SPACA7: variants seen among roughly 807,000 people sequenced by gnomAD.
The protein encoded by SPACA7 is sperm acrosome-associated protein 7.
In SPACA7, 19 loss-of-function variants were observed where a neutral mutation model predicts 26.3. That is an observed-to-expected ratio of 0.72 (90% CI 0.50 to 1.06). The LOEUF (loss-of-function observed/expected upper bound fraction) is 1.06, where lower values mean the gene tolerates loss of function less well. Ranked by LOEUF, SPACA7 falls within the 50% of genes least tolerant of loss-of-function variation. SPACA7 has a pLI of 0.00. For synonymous variants in SPACA7, 84 were observed against 84.5 expected, an observed-to-expected ratio of 0.99 and a Z score of 0.04; for missense variants, 211 against 229.9, an observed-to-expected ratio of 0.92 and a Z score of 0.53.
intron 5 of SPACA7, among the ~76,000 whole-genome samples, chr13:112,431,505 A>G (rs898835733): frequency 3.3e-5 from 5 of 152,204 alleles, no homozygotes; most frequent in African/African-American, 1.2e-4. Flanking sequence ...TTCCTATAAC[A>G]TTAATGTCAA....
At chr13:112,431,836 T>TGGAGGAACCTCCCAGGAG (rs1877162737) in intron 5 of SPACA7, among the ~76,000 whole-genome samples, 1 of 152,336 alleles carries the variant, frequency 6.6e-6, no homozygotes, top group East Asian at 1.9e-4. Context: ...GGCTGGTGGC[T>TGGAGGAACCTCCCAGGAG]GTTCCAAAGG....
intron 1 of SPACA7, chr13:112,382,418 G>A (rs1884134913): frequency 1.9e-6 from 3 of 1,548,460 alleles, no homozygotes; most frequent in Admixed American, 2.0e-5. Flanking sequence ...TAATCTTCAG[G>A]TGCAGGCTGT....
Position 112,380,143 on chromosome 13 carries a change from G to A in SPACA7, c.94+3664G>A, listed in dbSNP as rs549073856. 3.3e-5 allele frequency among the ~76,000 whole-genome samples: 5 copies of A among 152,220 alleles called. No individual in the cohort carries two copies. The East Asian group carries it at 9.7e-4, about 29-fold the overall frequency. On this transcript the variant is annotated intron_variant, in intron 1 of 6. Coordinates refer to ENST00000283550, the MANE Select transcript of SPACA7 (RefSeq NM_145248.5). ...ATTAAGAACAGACCAGGCCTGGCGT[G>A]GTGGCTCATGCCTGTAATCCCAGCA...
At chr13:112,415,955 G>A (rs941656654) in intron 5 of SPACA7, among the ~76,000 whole-genome samples, 4 of 151,906 alleles carry the variant, frequency 2.6e-5, no homozygotes, top group Non-Finnish European at 5.9e-5. Context: ...CCACTGTGGT[G>A]AGGCCAGCAT....
chr13:112,384,566 G>T (rs991509027), intron 1 of SPACA7, among the ~76,000 whole-genome samples: 5 of 151,996 alleles, frequency 3.3e-5, no homozygotes, highest in South Asian at 2.1e-4. Context: ...TTTATAATTT[G>T]ATTTTGGAAC....
In SPACA7 at chr13:112,434,048, C is replaced by T. The variant is rs546541476; in HGVS notation, c.524-437C>T. ...CGTCACCAGCACCTCTAGGTGTGGC[C>T]GTCGGCAACAGAAGCCCTGGAGGTG... On this transcript the variant is annotated intron_variant, in intron 6 of 6. Transcript: ENST00000283550. 7.8e-4 allele frequency among the ~76,000 whole-genome samples: 118 copies of T among 152,198 alleles called. 1 individual carries two copies. The highest frequency in any genetic ancestry group is 3.8e-4 in the Non-Finnish European group (26 of 68,002).
chr13:112,404,845 T>C (rs1333292885), intron 5 of SPACA7, among the ~76,000 whole-genome samples: 1 of 152,178 alleles, frequency 6.6e-6, no homozygotes, highest in Non-Finnish European at 1.5e-5. Context: ...TAAAGTCAGA[T>C]AATGTGATGC....
chr13:112,419,857 G>A (rs182603417), intron 5 of SPACA7, among the ~76,000 whole-genome samples: 7 of 152,330 alleles, frequency 4.6e-5, no homozygotes, highest in Non-Finnish European at 7.3e-5. Context: ...CCTGAGGGAA[G>A]GGAAGAACTG....
chr13:112,377,467 T>C (rs951107382), intron 1 of SPACA7, among the ~76,000 whole-genome samples: 1 of 152,230 alleles, frequency 6.6e-6, no homozygotes, highest in African/African-American at 2.4e-5. Context: ...ACCCTCTAGT[T>C]CAATTATTGT....
intron 1 of SPACA7, among the ~76,000 whole-genome samples, chr13:112,388,880 C>T (rs1884701859): frequency 6.6e-6 from 1 of 152,044 alleles, no homozygotes; most frequent in Admixed American, 6.6e-5. Flanking sequence ...GGAGTCAAAG[C>T]TGTCTTTTTG....
intron 5 of SPACA7, among the ~76,000 whole-genome samples, chr13:112,407,932 A>T (rs1437895402): frequency 6.6e-6 from 1 of 152,182 alleles, no homozygotes; most frequent in Admixed American, 6.6e-5. Flanking sequence ...GGAATTTTAG[A>T]CCAATATCCC....
chr13:112,398,144 G>A lies in SPACA7; in HGVS notation c.241+6G>A, dbSNP rs758432543. ...AACATTATCAACACCGTTACGTAAG[G>A]AGAAAAGCAAGCACACCCCTTTCTA... is the stretch of plus-strand genomic sequence containing the variant. On this transcript the variant is annotated splice_donor_region_variant and intron_variant, in intron 3 of 6. Transcript: ENST00000283550. The A allele has an allele frequency of 7.4e-6, 12 of 1,610,774 alleles. No individual in the cohort carries two copies. The highest frequency in any genetic ancestry group is 9.3e-6 in the Non-Finnish European group (11 of 1,177,100).
intron 1 of SPACA7, among the ~76,000 whole-genome samples, chr13:112,380,322 T>C (rs1883963924): frequency 6.7e-6 from 1 of 148,890 alleles, no homozygotes; most frequent in Non-Finnish European, 1.5e-5. Context: ...GGAGAATCAC[T>C]TGGACCCAGG....
intron 1 of SPACA7, among the ~76,000 whole-genome samples, chr13:112,379,507 C>T (rs544619141): frequency 2.6e-5 from 4 of 152,156 alleles, no homozygotes; most frequent in African/African-American, 4.8e-5. Flanking sequence ...AAGACAATAA[C>T]GGAAATTAGG....
At chr13:112,386,930 G>C (rs1211711805) in intron 1 of SPACA7, among the ~76,000 whole-genome samples, 1 of 152,124 alleles carries the variant, frequency 6.6e-6, no homozygotes, top group Non-Finnish European at 1.5e-5. Context: ...ATCTCCACAA[G>C]TTCAGAGAAA....
chr13:112,399,090 A>G lies in SPACA7; in HGVS notation c.266A>G (p.Gln89Arg). The G allele has an allele frequency of 1.2e-6, 2 of 1,609,152 alleles. No individual in the cohort carries two copies. Among genetic ancestry groups the G allele is most frequent in the South Asian group, 2.2e-5 (2 of 90,456 alleles). The change falls in exon 4 of 7, where the codon CAA (glutamine) becomes CGA (arginine). Residue 89 changes from glutamine to arginine, a missense_variant. Transcript: ENST00000283550. Reference sequence around the variant, plus strand: ...GATGCTGGTATTGATGAGAATTATCAAGCTGGTGGTTCTGAGAATTACCAT... The same window carrying G: ...GATGCTGGTATTGATGAGAATTATCGAGCTGGTGGTTCTGAGAATTACCAT... Reference protein sequence around the residue: ...PLHAGIDENYQAGGSENYHEL... With the variant: ...PLHAGIDENYRAGGSENYHEL...
intron 5 of SPACA7, among the ~76,000 whole-genome samples, chr13:112,416,476 T>C (rs1886702405): frequency 6.6e-6 from 1 of 151,930 alleles, no homozygotes; most frequent in Admixed American, 6.6e-5. Context: ...TAGTAGAGAA[T>C]GGGTTTCACC....
chr13:112,404,507 G>GT (rs1363865136), intron 5 of SPACA7, among the ~76,000 whole-genome samples: 6 of 152,138 alleles, frequency 3.9e-5, no homozygotes, highest in African/African-American at 1.4e-4. Flanking sequence ...TGTCTAGAAG[G>GT]TTTTTTTCCA....
chr13:112,417,944 G>A (rs1193005374), intron 5 of SPACA7, among the ~76,000 whole-genome samples: 2 of 152,028 alleles, frequency 1.3e-5, no homozygotes, highest in African/African-American at 4.8e-5. Flanking sequence ...GTTAGGTTAT[G>A]CCTGAGTGTA....
Sources: allele counts gnomAD v4.1 joint callset (sites outside exome capture counted in the v4.1 genomes callset), GRCh38; gene constraint gnomAD v4.1.1; transcripts MANE v1.5; gene names NCBI Gene and HGNC (gene_info 2026-07-23, HGNC 2026-07-21).